Variants in LSAMP observed in about 807,000 individuals in gnomAD.
LSAMP encodes limbic system-associated membrane protein.
In LSAMP, 7 loss-of-function variants were observed where a neutral mutation model predicts 38.6. That is an observed-to-expected ratio of 0.18 (90% CI 0.10 to 0.34). The LOEUF (loss-of-function observed/expected upper bound fraction) is 0.34. Among genes scored for constraint, LSAMP ranks in the 10% least tolerant of loss-of-function variants. The pLI, the probability that LSAMP is intolerant of heterozygous loss-of-function variation, is 1.00. For synonymous variants in LSAMP, 154 were observed against 166.8 expected (o/e 0.92, Z 0.59); for missense variants, 313 against 420.0 (o/e 0.75, Z 2.23).
intron 6 of LSAMP, among the ~76,000 whole-genome samples, chr3:115,835,804 T>G (rs1287879873): frequency 6.6e-6 from 1 of 152,178 alleles, no homozygotes; most frequent in African/African-American, 2.4e-5. Context: ...ATATGAAAGT[T>G]TCCTAAGTCC....
intron 1 of LSAMP, among the ~76,000 whole-genome samples, chr3:116,130,802 T>C (rs1410623151): frequency 5.9e-5 from 9 of 152,114 alleles, no homozygotes; most frequent in Non-Finnish European, 1.3e-4. Context: ...CCTAAACATA[T>C]ATGTGGGTAG....
rs138232233 is a variant in LSAMP, at chr3:115,849,785, A to T, written c.649+2698T>A. Among the ~76,000 whole-genome samples the T allele has an allele frequency of 1.1e-3, 170 of 152,280 alleles. 1 individual carries two copies. Among genetic ancestry groups the T allele is most frequent in the Non-Finnish European group, 2.1e-3 (143 of 68,022 alleles). On this transcript the variant is annotated intron_variant, in intron 4 of 6. Transcript: ENST00000490035. ...TTGGATTAATTGTTTGAACAGGATA[A>T]CTCTGTGATGACTAGTTTTAATATA...
At chr3:116,358,412 G>C (rs978463299) in intron 1 of LSAMP, among the ~76,000 whole-genome samples, 1 of 152,112 alleles carries the variant, frequency 6.6e-6, no homozygotes, top group Non-Finnish European at 1.5e-5. Flanking sequence ...GATGACAATA[G>C]TCTAGATGCC....
intron 1 of LSAMP, among the ~76,000 whole-genome samples, chr3:116,366,814 T>C (rs2048360451): frequency 6.6e-6 from 1 of 152,182 alleles, no homozygotes; most frequent in Admixed American, 6.5e-5. Context: ...AGAGAAGGGC[T>C]ATTGATTTGG....
At chr3:115,835,807 C>A (rs898666675) in intron 6 of LSAMP, among the ~76,000 whole-genome samples, 10 of 152,098 alleles carry the variant, frequency 6.6e-5, no homozygotes, top group Non-Finnish European at 1.3e-4. Flanking sequence ...TGAAAGTTTC[C>A]TAAGTCCATT....
chr3:115,840,689 C>T (rs937773197), intron 6 of LSAMP, among the ~76,000 whole-genome samples: 1 of 152,096 alleles, frequency 6.6e-6, no homozygotes, highest in African/African-American at 2.4e-5. Flanking sequence ...GGCTTTAACA[C>T]TACATTTCAA....
At chr3:116,147,347 G>A (rs1709513416) in intron 1 of LSAMP, among the ~76,000 whole-genome samples, 1 of 151,674 alleles carries the variant, frequency 6.6e-6, no homozygotes, top group Non-Finnish European at 1.5e-5. Context: ...ATTTCCTCCA[G>A]GTAAACTCAG....
intron 1 of LSAMP, among the ~76,000 whole-genome samples, chr3:116,323,899 T>A (rs1405229854): frequency 6.6e-6 from 1 of 152,178 alleles, no homozygotes; most frequent in Non-Finnish European, 1.5e-5. Flanking sequence ...CAAAACAATC[T>A]TCAACCCTTC....
At chr3:116,250,233 A>G (rs996675435) in intron 1 of LSAMP, among the ~76,000 whole-genome samples, 2 of 152,192 alleles carry the variant, frequency 1.3e-5, no homozygotes, top group Non-Finnish European at 2.9e-5. Flanking sequence ...TTGTATTGTT[A>G]TCTTTCCTAC....
intron 2 of LSAMP, among the ~76,000 whole-genome samples, chr3:116,067,626 C>T (rs369955453): frequency 3.9e-5 from 6 of 152,154 alleles, no homozygotes; most frequent in African/African-American, 7.2e-5. Flanking sequence ...GCCATTTGGC[C>T]GGGCGGCATT....
intron 3 of LSAMP, among the ~76,000 whole-genome samples, chr3:115,996,426 T>C (rs1939816506): frequency 6.6e-6 from 1 of 152,158 alleles, no homozygotes; most frequent in Non-Finnish European, 1.5e-5. Flanking sequence ...TGGTCTGTTG[T>C]AACAAGAATT....
intron 1 of LSAMP, among the ~76,000 whole-genome samples, chr3:116,178,834 T>C (rs1345313361): frequency 6.6e-6 from 1 of 152,206 alleles, no homozygotes; most frequent in Non-Finnish European, 1.5e-5. Context: ...GGAAGTTCTA[T>C]CTTGATAAAA....
chr3:116,398,396 C>T (rs991077508), intron 1 of LSAMP, among the ~76,000 whole-genome samples: 2 of 152,158 alleles, frequency 1.3e-5, no homozygotes, highest in Non-Finnish European at 2.9e-5. Context: ...TGCTAAATCC[C>T]CAGTCCATAG....
At position 116,353,956 on chromosome 3, in the gene LSAMP, TA is replaced by T. The variant is rs940283689; in HGVS notation, c.155+90920del. On this transcript the variant is annotated intron_variant, in intron 1 of 6. Transcript: ENST00000490035. ...ATTGCCTTTCCATTCAATGGTTTTG[TA>T]AAAAATTTTATTCTGAACTTGACAG... Among the ~76,000 whole-genome samples, 45 of 152,250 alleles carry T rather than the reference TA, an allele frequency of 3.0e-4. 1 individual carries two copies. The highest frequency in any genetic ancestry group is 1.9e-3 in the South Asian group (9 of 4,826).
chr3:115,824,484 C>G (rs1042988524), intron 6 of LSAMP, among the ~76,000 whole-genome samples: 2 of 152,074 alleles, frequency 1.3e-5, no homozygotes, highest in East Asian at 3.9e-4. Context: ...GTGCAGATCA[C>G]GAGGTCAGGA....
intron 1 of LSAMP, among the ~76,000 whole-genome samples, chr3:116,222,884 C>A (rs540747456): frequency 6.6e-6 from 1 of 151,264 alleles, no homozygotes; most frequent in African/African-American, 2.4e-5. Flanking sequence ...TACAGGCGCC[C>A]GCCACCATGC....
chr3:116,103,504 TATC>T lies in LSAMP; in HGVS notation c.156-16951_156-16949del, dbSNP rs1422492230. On this transcript the variant is annotated intron_variant, in intron 1 of 6. Transcript: ENST00000490035. ...AAAAAAAAAAGAAAGACAGTGTACA[TATC>T]ATATATTTTTGTTCATGTGTTCTTT... Among the ~76,000 whole-genome samples, 3 of 145,432 alleles carry T rather than the reference TATC, an allele frequency of 2.1e-5. No homozygotes were observed. In the South Asian group the frequency reaches 6.6e-4, roughly 32 times the overall value.
chr3:116,295,087 T>C (rs1469157494), intron 1 of LSAMP, among the ~76,000 whole-genome samples: 1 of 152,094 alleles, frequency 6.6e-6, no homozygotes, highest in African/African-American at 2.4e-5. Flanking sequence ...GATGAAATAC[T>C]AAAAGAAAGA....
rs142959351 is a variant in LSAMP at position 116,294,377 on chromosome 3, C to T, written c.155+150500G>A. Among the ~76,000 whole-genome samples, 416 of 152,202 alleles carry T rather than the reference C, an allele frequency of 2.7e-3. 3 individuals are homozygous for T. Among genetic ancestry groups the T allele is most frequent in the African/African-American group, 9.2e-3 (382 of 41,508 alleles). On this transcript the variant is annotated intron_variant, in intron 1 of 6. Transcript: ENST00000490035. The stretch of plus-strand genomic sequence containing the variant: ...GACTGCTGAGTCTTACTACAGTTTA[C>T]TAAAGGATTTGAATGTTCTAGGATT...
Sources: allele counts gnomAD v4.1 joint callset (sites outside exome capture counted in the v4.1 genomes callset), GRCh38; gene constraint gnomAD v4.1.1; transcripts MANE v1.5; gene names NCBI Gene and HGNC (gene_info 2026-07-23, HGNC 2026-07-21).